HIVEP3: variants seen among roughly 807,000 people sequenced by gnomAD.
HIVEP3 encodes the protein HIVEP zinc finger 3.
Under a neutral mutation model 152.8 loss-of-function variants are expected in HIVEP3, and 49 were observed. The ratio of observed to expected loss-of-function variants is 0.32; its 90% CI spans 0.26 to 0.41. The LOEUF (loss-of-function observed/expected upper bound fraction) is 0.41. HIVEP3 is among the 10% of genes least tolerant of loss of function. The probability of loss-of-function intolerance (pLI) is 1.00; values close to 1 mark genes in which losing one functional copy is unlikely to be tolerated. For missense variants in HIVEP3, 2,790 were observed against 3,103.3 expected (o/e 0.90, Z 2.40); for synonymous variants, 1,269 against 1,289.0 (o/e 0.98, Z 0.33).
chr1:42,001,902 G>A (rs1430279039), intron 1 of HIVEP3, among the ~76,000 whole-genome samples: 2 of 152,022 alleles, frequency 1.3e-5, no homozygotes, highest in Admixed American at 6.5e-5. Context: ...CAACTGGGGG[G>A]TAGCCCGGGC....
chr1:41,954,964 GT>G lies in HIVEP3; in HGVS notation n.120-36441del, dbSNP rs5773755. 8.3e-3 allele frequency among the ~76,000 whole-genome samples: 1,195 copies of G among 144,696 alleles called. 17 individuals carry two copies. The highest frequency in any genetic ancestry group is 0.028 in the African/African-American group (1,120 of 39,428). The allele number at this position is 144,696 out of a possible 152,430, so 94.9% of individuals were successfully genotyped here. ...TAGGAACCATTTTCTCAGCTTCCAG[GT>G]TTTTTTTTTTTTTCTCTAGTGTTTC... On this transcript the variant is annotated intron_variant and non_coding_transcript_variant, in intron 1 of 3. Coordinates refer to the HIVEP3 transcript ENST00000489103.
At chr1:41,624,214 T>C (rs1011935996) in intron 3 of HIVEP3, among the ~76,000 whole-genome samples, 1 of 152,164 alleles carries the variant, frequency 6.6e-6, no homozygotes, top group African/African-American at 2.4e-5. Context: ...GGCCCCTCCA[T>C]TATCCTCCAG....
At chr1:41,701,909 G>T (rs552834131) in intron 1 of HIVEP3, among the ~76,000 whole-genome samples, 6 of 152,202 alleles carry the variant, frequency 3.9e-5, no homozygotes, top group East Asian at 3.9e-4. Flanking sequence ...TCTCTGAGAT[G>T]CCCAGCCCTC....
At chr1:41,637,391 C>T (rs1047690802) in intron 2 of HIVEP3, among the ~76,000 whole-genome samples, 1 of 152,202 alleles carries the variant, frequency 6.6e-6, no homozygotes, top group African/African-American at 2.4e-5. Context: ...GTCTATGTAT[C>T]AAGCTTTGTC....
chr1:41,511,371 A>T lies in HIVEP3; in HGVS notation c.6406-105T>A. 1 of 1,058,788 alleles carries T rather than the reference A, an allele frequency of 9.4e-7. No individual in the cohort carries two copies. Among genetic ancestry groups the T allele is most frequent in the Non-Finnish European group, 1.3e-6 (1 of 750,018 alleles). The allele number at this position is 1,058,788 out of a possible 1,614,324, so 65.6% of individuals were successfully genotyped here. On this transcript the variant is annotated intron_variant, in intron 8 of 8. Coordinates refer to ENST00000372583, the MANE Select transcript of HIVEP3 (RefSeq NM_024503.5). This position sits in a 1 kb window ranked among gnomAD's most constrained non-coding sequence, Gnocchi z 4.9. Reference sequence around the variant, plus strand: ...GGGACTCGCCCAAGATCACAGAGCGAGTCCAGGGTCCCGGCTGAGCTGAGC... The same window carrying T: ...GGGACTCGCCCAAGATCACAGAGCGTGTCCAGGGTCCCGGCTGAGCTGAGC...
At chr1:41,621,092 C>T (rs917641390) in intron 3 of HIVEP3, among the ~76,000 whole-genome samples, 3 of 152,208 alleles carry the variant, frequency 2.0e-5, no homozygotes, top group Non-Finnish European at 2.9e-5. Context: ...TATTCATTCC[C>T]GCCTCACCTG....
At chr1:41,700,784 C>T (rs185191648) in intron 2 of HIVEP3, 132 bp downstream of exon 2, 10 of 213,322 alleles carry the variant, frequency 4.7e-5, no homozygotes, top group South Asian at 1.7e-4. Context: ...GTGTCGGTAG[C>T]GTGTGGGGCT....
chr1:41,995,868 C>T (rs1466715744), intron 1 of HIVEP3, among the ~76,000 whole-genome samples: 1 of 152,210 alleles, frequency 6.6e-6, no homozygotes, highest in African/African-American at 2.4e-5. Context: ...CAGCTTGTAA[C>T]ATTAACCTCC....
In HIVEP3 at chr1:41,509,467, C is replaced by T. The variant is rs1251552389; in HGVS notation, c.*984G>A. ...TGAAACAAAACCCAAAACCCAGTCT[C>T]AGGAACGGCCGCTAGGGCTCGGGCC... On this transcript the variant is annotated 3_prime_UTR_variant, in exon 9 of 9. Transcript: ENST00000372583. 1 of 152,260 alleles carries T rather than the reference C, an allele frequency of 6.6e-6. No individual in the cohort carries two copies. Among genetic ancestry groups the T allele is most frequent in the Admixed American group, 6.5e-5 (1 of 15,292 alleles). The allele number at this position is 152,260 out of a possible 1,614,324, so 9.4% of individuals were successfully genotyped here. A position where few individuals can be genotyped will look rare whatever the true frequency, so the allele number is the denominator to read the frequency against.
At position 41,580,990 on chromosome 1, in the gene HIVEP3, T is replaced by C; in HGVS notation, c.3808A>G (p.Thr1270Ala). ...CTGGGGGAGAGGCCAGCACTTCCTG[T>C]TGCCAGTGGGGCCAGGCTGGTTTTG... ...QIKTSLAPLATGSAGLSPSTE... is the reference protein window; with the variant it reads ...QIKTSLAPLAAGSAGLSPSTE... Residue 1270 changes from threonine (T) to alanine (A), a missense_variant, in exon 4 of 9, where the codon ACA becomes GCA. This residue lies in a region of HIVEP3 where 1,078 missense variants were observed against 1,165.3 expected (regional missense o/e 0.93). Coordinates refer to ENST00000372583, the MANE Select transcript of HIVEP3 (RefSeq NM_024503.5). The C allele has an allele frequency of 6.3e-7, 1 of 1,577,272 alleles. No individual in the cohort carries two copies.
chr1:41,795,697 T>C (rs949636701), intron 1 of HIVEP3, among the ~76,000 whole-genome samples: 5 of 152,230 alleles, frequency 3.3e-5, no homozygotes, highest in African/African-American at 1.2e-4. Context: ...CTTTGGGTTA[T>C]AGTTCAATAC....
chr1:41,603,577 C>T (rs189330413), intron 3 of HIVEP3, among the ~76,000 whole-genome samples: 2 of 152,258 alleles, frequency 1.3e-5, no homozygotes, highest in Admixed American at 1.3e-4. Context: ...CCAAGCTGGT[C>T]TTGAACTCCT....
chr1:41,820,971 G>A (rs1290090604), intron 1 of HIVEP3, among the ~76,000 whole-genome samples: 2 of 152,164 alleles, frequency 1.3e-5, no homozygotes, highest in African/African-American at 2.4e-5. Flanking sequence ...GTGACAGGTG[G>A]GAACTTGGGG....
At chr1:41,713,197 C>G (rs928848237) in intron 1 of HIVEP3, among the ~76,000 whole-genome samples, 1 of 152,192 alleles carries the variant, frequency 6.6e-6, no homozygotes, top group Non-Finnish European at 1.5e-5. Context: ...CCTCCCACCC[C>G]CGATCTGCGC....
intron 3 of HIVEP3, among the ~76,000 whole-genome samples, chr1:41,597,324 A>C (rs1402891279): frequency 6.6e-6 from 1 of 152,196 alleles, no homozygotes; most frequent in Admixed American, 6.5e-5. Context: ...TCAAGCAATG[A>C]TGTAGCAAAA....
At chr1:41,808,567 G>A (rs963607660) in intron 1 of HIVEP3, among the ~76,000 whole-genome samples, 6 of 152,146 alleles carry the variant, frequency 3.9e-5, no homozygotes, top group African/African-American at 1.4e-4. Flanking sequence ...TCTATTCCAG[G>A]CGGCCAGGCC....
rs148551284 is a variant in HIVEP3 at position 41,911,036 on chromosome 1, C to A, written c.-801+7377G>T. Among the ~76,000 whole-genome samples the A allele has an allele frequency of 2.6e-3, 399 of 152,070 alleles. 1 individual carries two copies. Among genetic ancestry groups the A allele is most frequent in the African/African-American group, 8.6e-3 (356 of 41,516 alleles). On this transcript the variant is annotated intron_variant, in intron 1 of 8. Coordinates refer to ENST00000372583, the MANE Select transcript of HIVEP3 (RefSeq NM_024503.5). ...TTTATTACATTGAAATTAAGAATTT[C>A]TGCCACTGTAAAGATACTAAAAAAG...
At chr1:41,608,425 T>A (rs1448373319) in intron 3 of HIVEP3, among the ~76,000 whole-genome samples, 1 of 152,212 alleles carries the variant, frequency 6.6e-6, no homozygotes, top group African/African-American at 2.4e-5. Context: ...GTCTCAGACT[T>A]TCCTTAGAGA....
Position 41,582,911 on chromosome 1 carries a change from G to C in HIVEP3, c.1887C>G (p.Thr629=), listed in dbSNP as rs764415886. 1 of 1,613,992 alleles carries C rather than the reference G, an allele frequency of 6.2e-7. No homozygotes were observed. Among genetic ancestry groups the C allele is most frequent in the East Asian group, 2.2e-5 (1 of 44,866 alleles). Reference sequence around the variant, plus strand: ...TTTTCAAACCCTTCTTGGTCTTTTTGGTAAGCTCGCTTTCCTTGGGTTCCA... The same window carrying C: ...TTTTCAAACCCTTCTTGGTCTTTTTCGTAAGCTCGCTTTCCTTGGGTTCCA... ...DEVEPKESEL[T]KKTKKGLKTK... Residue 629 remains threonine (T), a synonymous_variant, in exon 4 of 9, where the codon ACC becomes ACG. Coordinates refer to ENST00000372583, the MANE Select transcript of HIVEP3 (RefSeq NM_024503.5). This position sits in a 1 kb window ranked among gnomAD's most constrained non-coding sequence, Gnocchi z 4.7.
Sources: allele counts gnomAD v4.1 joint callset (sites outside exome capture counted in the v4.1 genomes callset), GRCh38; gene constraint gnomAD v4.1.1; regional missense constraint gnomAD v4.1.1; non-coding constraint Gnocchi (gnomAD v3.1); transcripts MANE v1.5; gene names NCBI Gene and HGNC (gene_info 2026-07-23, HGNC 2026-07-21).